WNK3: variants seen among roughly 807,000 people sequenced by gnomAD.
WNK3 encodes serine/threonine-protein kinase WNK3.
WNK3 carries 18 observed loss-of-function variants against 116.7 expected under a neutral mutation model. That is an observed-to-expected ratio of 0.15 (90% confidence interval 0.11 to 0.23). The LOEUF is 0.23. Ranked by LOEUF, WNK3 falls within the 10% of genes least tolerant of loss-of-function variation. WNK3 has a pLI of 1.00. For missense variants in WNK3, 993 were observed against 1,323.8 expected, an observed-to-expected ratio of 0.75 and a Z score of 3.88; for synonymous variants, 404 against 469.4, an observed-to-expected ratio of 0.86 and a Z score of 1.80.
intron 2 of WNK3, among the ~76,000 whole-genome samples, chrX:54,315,584 C>A (rs918900868): frequency 9.0e-6 from 1 of 111,269 alleles, no homozygotes; most frequent in African/African-American, 3.3e-5. Flanking sequence ...AGCCTTTTCC[C>A]CTTAATGGTC....
At chrX:54,267,963 A>G (rs1452678009) in intron 10 of WNK3, among the ~76,000 whole-genome samples, 3 of 110,569 alleles carry the variant, frequency 2.7e-5, no homozygotes, top group Non-Finnish European at 3.8e-5. Flanking sequence ...TTGAAACGTC[A>G]TTATACAACC....
chrX:54,277,002 C>T (rs1183792925), intron 10 of WNK3, among the ~76,000 whole-genome samples: 1 of 112,195 alleles, frequency 8.9e-6, no homozygotes, highest in African/African-American at 3.2e-5. Context: ...CAGGTGTTAG[C>T]CACCGCGCCT....
chrX:54,305,296 C>T (rs1424582910), intron 5 of WNK3, among the ~76,000 whole-genome samples: 1 of 111,952 alleles, frequency 8.9e-6, no homozygotes, highest in Admixed American at 9.6e-5. Context: ...GTAGAAATAA[C>T]CATACAATGA....
intron 2 of WNK3, among the ~76,000 whole-genome samples, chrX:54,320,074 T>C (rs1569538884): frequency 1.8e-5 from 2 of 112,061 alleles, no homozygotes; most frequent in African/African-American, 6.5e-5. Context: ...TTTATATAGC[T>C]GATAAATAGG....
At chrX:54,198,635 C>T in exon 24 of WNK3, 2 of 1,189,023 alleles carry the variant, frequency 1.7e-6, no homozygotes, top group Non-Finnish European at 2.3e-6. Flanking sequence ...GATGTGTAGC[C>T]CATAGTAGAC....
intron 5 of WNK3, 73 bp from the exon 6 acceptor site, chrX:54,301,932 A>G: frequency 1.4e-6 from 1 of 739,321 alleles, no homozygotes; most frequent in Non-Finnish European, 2.1e-6. Flanking sequence ...TTTATTAAAC[A>G]TTATTTTTAT....
At chrX:54,354,559 G>C (rs936428315) in intron 1 of WNK3, among the ~76,000 whole-genome samples, 1 of 110,834 alleles carries the variant, frequency 9.0e-6, no homozygotes, top group African/African-American at 3.3e-5. Flanking sequence ...AGAGTACTAG[G>C]GAAAAGAGCC....
intron 10 of WNK3, among the ~76,000 whole-genome samples, chrX:54,281,213 A>G (rs782108096): frequency 1.8e-5 from 2 of 111,612 alleles, no homozygotes; most frequent in Non-Finnish European, 3.8e-5. Context: ...GGCTGGGCAC[A>G]GTGGCTCACA....
chrX:54,261,984 T>A (rs1227480123), intron 10 of WNK3, among the ~76,000 whole-genome samples: 1 of 111,939 alleles, frequency 8.9e-6, no homozygotes, highest in Non-Finnish European at 1.9e-5. Flanking sequence ...CAGTTTACAG[T>A]CCTACCAGAG....
At chrX:54,331,405 C>T (rs2069170506) in intron 2 of WNK3, among the ~76,000 whole-genome samples, 1 of 109,310 alleles carries the variant, frequency 9.1e-6, no homozygotes, top group Admixed American at 9.9e-5. Context: ...TATATACACA[C>T]ATACATATAC....
At chrX:54,278,231 G>T (rs1557161497) in intron 10 of WNK3, among the ~76,000 whole-genome samples, 1 of 110,567 alleles carries the variant, frequency 9.0e-6, no homozygotes, top group Admixed American at 9.8e-5. Context: ...AATCAAAGAA[G>T]ATCTAAATAA....
At chrX:54,353,462 T>TAAATA (rs782437352) in intron 1 of WNK3, among the ~76,000 whole-genome samples, 15 of 93,012 alleles carry the variant, frequency 1.6e-4, no homozygotes, top group African/African-American at 2.4e-4. Context: ...CATCTCCAAA[T>TAAATA]AAATAAAATA....
intron 10 of WNK3, among the ~76,000 whole-genome samples, chrX:54,286,036 T>C (rs2068576110): frequency 9.0e-6 from 1 of 111,663 alleles, no homozygotes; most frequent in Non-Finnish European, 1.9e-5. Context: ...CATGCTACAA[T>C]TTTTTCCAAT....
At chrX:54,248,922 G>T in exon 17 of WNK3, 2 of 1,211,229 alleles carry the variant, frequency 1.7e-6, no homozygotes, top group Non-Finnish European at 2.2e-6. Flanking sequence ...AAAATGGAGA[G>T]TCTATGCTTT....
intron 2 of WNK3, among the ~76,000 whole-genome samples, chrX:54,315,576 C>T (rs1174465429): frequency 9.0e-6 from 1 of 111,336 alleles, no homozygotes; most frequent in Non-Finnish European, 1.9e-5. Context: ...GATGGTGTAG[C>T]CTTTTCCCCT....
chrX:54,281,189 A>G (rs782222574), intron 10 of WNK3, among the ~76,000 whole-genome samples: 2 of 111,632 alleles, frequency 1.8e-5, no homozygotes, highest in East Asian at 5.6e-4. Flanking sequence ...GAGGATACTT[A>G]AGATCTCTTT....
chrX:54,232,248 T>C (rs1005959047), intron 21 of WNK3, among the ~76,000 whole-genome samples: 3 of 109,270 alleles, frequency 2.7e-5, no homozygotes, highest in Non-Finnish European at 5.7e-5. Context: ...TTCAAGCAAT[T>C]CTCCCATCTC....
At chrX:54,300,488 C>T (rs2068746544) in intron 6 of WNK3, among the ~76,000 whole-genome samples, 1 of 111,787 alleles carries the variant, frequency 8.9e-6, no homozygotes, top group Non-Finnish European at 1.9e-5. Context: ...CAAAATAATA[C>T]TTGTTTTATG....
At chrX:54,297,621 G>A (rs930172351) in intron 7 of WNK3, among the ~76,000 whole-genome samples, 3 of 110,610 alleles carry the variant, frequency 2.7e-5, no homozygotes, top group African/African-American at 9.9e-5. Flanking sequence ...GGTGATGAGG[G>A]AGGAAAATGC....
Sources: gnomAD v4.1 joint callset for allele counts (sites outside exome capture counted in the v4.1 genomes callset) on GRCh38, gnomAD v4.1.1 for gene constraint, MANE v1.5 for transcripts, NCBI Gene and HGNC (gene_info 2026-07-23, HGNC 2026-07-21) for gene names.